Variants in LINC00632 observed in about 807,000 individuals in gnomAD.
LINC00632 encodes ALDOA related specific transcript.
intron 3 of LINC00632, among the ~76,000 whole-genome samples, chrX:140,743,261 GAAAT>G (rs1931271552): frequency 5.4e-5 from 3 of 55,725 alleles, no homozygotes; most frequent in East Asian, 4.5e-4. Context: ...AAAAAAAAAA[GAAAT>G]AGAGATTTAT....
chrX:140,726,319 C>T (rs145233167), intron 2 of LINC00632, among the ~76,000 whole-genome samples: 133 of 111,004 alleles, frequency 1.2e-3, no homozygotes, highest in African/African-American at 4.3e-3. Context: ...AATACACAAA[C>T]GTTTTACACG....
At chrX:140,738,247 G>GT (rs1209217982) in intron 3 of LINC00632, among the ~76,000 whole-genome samples, 1 of 111,854 alleles carries the variant, frequency 8.9e-6, no homozygotes, top group Non-Finnish European at 1.9e-5. Flanking sequence ...GAGAATACAC[G>GT]TAAGAGTTGA....
intron 2 of LINC00632, among the ~76,000 whole-genome samples, chrX:140,712,670 C>G (rs1218003441): frequency 9.0e-6 from 1 of 110,627 alleles, no homozygotes; most frequent in Non-Finnish European, 1.9e-5. Context: ...CTTTTCACTG[C>G]AGGTGTAAGG....
At chrX:140,723,538 AC>A (rs1308256801) in intron 2 of LINC00632, among the ~76,000 whole-genome samples, 1 of 92,091 alleles carries the variant, frequency 1.1e-5, no homozygotes, top group African/African-American at 3.8e-5. Flanking sequence ...ATACACACAC[AC>A]ACATTCCATA....
At chrX:140,763,133 C>T (rs980361182) in intron 3 of LINC00632, among the ~76,000 whole-genome samples, 6 of 111,972 alleles carry the variant, frequency 5.4e-5, no homozygotes, top group Non-Finnish European at 9.4e-5. Flanking sequence ...CGGTGGCTCA[C>T]GCCTGTAATC....
At chrX:140,777,296 TTAA>T (rs762138338) in exon 5 of LINC00632, among the ~76,000 whole-genome samples, 14 of 112,323 alleles carry the variant, frequency 1.2e-4, no homozygotes, top group East Asian at 2.8e-4. Context: ...ATCTTGGAAC[TTAA>T]TAATAATTTT....
At chrX:140,768,743 T>G (rs1289470768) in intron 3 of LINC00632, among the ~76,000 whole-genome samples, 1 of 99,810 alleles carries the variant, frequency 1.0e-5, no homozygotes, top group Non-Finnish European at 2.0e-5. Context: ...ATTAAATATA[T>G]AACATATTTA....
chrX:140,785,346 G>C (rs1932004483), exon 5 of LINC00632, among the ~76,000 whole-genome samples: 2 of 111,778 alleles, frequency 1.8e-5, no homozygotes, highest in Non-Finnish European at 3.8e-5. Context: ...CTATTTTACA[G>C]ATGAGGAAAC....
chrX:140,724,417 C>T (rs1270312882), intron 2 of LINC00632, among the ~76,000 whole-genome samples: 1 of 109,667 alleles, frequency 9.1e-6, no homozygotes. Context: ...TACACATACA[C>T]ACATTCCACA....
At chrX:140,768,208 C>A (rs1390781674) in intron 3 of LINC00632, among the ~76,000 whole-genome samples, 3 of 110,975 alleles carry the variant, frequency 2.7e-5, no homozygotes, top group African/African-American at 9.8e-5. Flanking sequence ...TTTTCAAATA[C>A]AAGGATGTTG....
At chrX:140,761,403 C>T in intron 3 of LINC00632, among the ~76,000 whole-genome samples, 1 of 112,440 alleles carries the variant, frequency 8.9e-6, no homozygotes, top group East Asian at 2.8e-4. Flanking sequence ...AGCTTTAGCA[C>T]GTGAGCTCTG....
At chrX:140,721,710 T>C (rs1930731142) in intron 2 of LINC00632, among the ~76,000 whole-genome samples, 1 of 110,533 alleles carries the variant, frequency 9.0e-6, no homozygotes, top group African/African-American at 3.3e-5. Flanking sequence ...ACACAAACCA[T>C]CCTAATAACA....
At chrX:140,729,603 C>T (rs1280384682) in intron 2 of LINC00632, among the ~76,000 whole-genome samples, 1 of 110,306 alleles carries the variant, frequency 9.1e-6, no homozygotes, top group East Asian at 2.8e-4. Context: ...ATGATCCACA[C>T]TCTGTAGACT....
At chrX:140,732,825 G>A (rs1008277960) in intron 2 of LINC00632, among the ~76,000 whole-genome samples, 4 of 108,588 alleles carry the variant, frequency 3.7e-5, no homozygotes, top group Non-Finnish European at 7.6e-5. Flanking sequence ...GTGCAGTGGC[G>A]TGATCTCAGC....
chrX:140,713,436 A>G (rs1328390552), intron 2 of LINC00632: 2 of 295,925 alleles, frequency 6.8e-6, no homozygotes, highest in Non-Finnish European at 1.4e-5. Flanking sequence ...CAGATGTAAA[A>G]TGGGGATGCT....
At chrX:140,761,955 A>G (rs1228415951) in intron 3 of LINC00632, among the ~76,000 whole-genome samples, 2 of 111,498 alleles carry the variant, frequency 1.8e-5, no homozygotes, top group Non-Finnish European at 3.8e-5. Context: ...CAAACAGAGC[A>G]TGACGTTTGG....
exon 4 of LINC00632, chrX:140,772,078 A>G (rs1931808524): frequency 3.4e-6 from 1 of 293,096 alleles, no homozygotes; most frequent in Non-Finnish European, 5.9e-6. Context: ...TTTTTCCTAG[A>G]TGGTGTGCTT....
At chrX:140,790,543 C>CATT (rs1357431147) in exon 5 of LINC00632, among the ~76,000 whole-genome samples, 3 of 110,710 alleles carry the variant, frequency 2.7e-5, no homozygotes, top group Non-Finnish European at 5.7e-5. Context: ...TTGTGCATCC[C>CATT]ATTTTTCCAG....
At chrX:140,723,881 A>AG in intron 2 of LINC00632, among the ~76,000 whole-genome samples, 1 of 2,345 alleles carries the variant, frequency 4.3e-4, no homozygotes, top group Admixed American at 4.9e-3. Flanking sequence ...CTTCCATAGC[A>AG]ACAGACACAC....
Sources: gnomAD v4.1 joint callset for allele counts (sites outside exome capture counted in the v4.1 genomes callset) on GRCh38, gnomAD v4.1.1 for gene constraint, MANE v1.5 for transcripts, NCBI Gene and HGNC (gene_info 2026-07-23, HGNC 2026-07-21) for gene names.